Variants in AUTS2 observed in about 807,000 individuals in gnomAD.
The protein encoded by AUTS2 is autism susceptibility gene 2 protein.
Under a neutral mutation model 112.4 loss-of-function variants are expected in AUTS2, and 17 were observed. The observed-to-expected ratio is 0.15, with a 90% CI of 0.10 to 0.23. AUTS2 has a LOEUF of 0.23. Among genes scored for constraint, AUTS2 ranks in the 10% least tolerant of loss-of-function variants. AUTS2 has a pLI of 1.00. For missense variants in AUTS2, 1,510 were observed against 1,701.6 expected (o/e 0.89, Z 1.98); for synonymous variants, 751 against 702.7 (o/e 1.07, Z -1.09).
At chr7:70,488,349 T>A (rs35053417) in intron 5 of AUTS2, among the ~76,000 whole-genome samples, 14,327 of 152,212 alleles carry the variant, frequency 0.094, 875 homozygotes, top group African/African-American at 0.17. Context: ...GGTGCCCTCA[T>A]GGAGGCCGGG....
intron 1 of AUTS2, among the ~76,000 whole-genome samples, chr7:69,646,229 T>A (rs571881242): frequency 3.3e-5 from 5 of 152,274 alleles, no homozygotes; most frequent in East Asian, 3.9e-4. Flanking sequence ...CACATTTTTT[T>A]AAAAAAGCAG....
At chr7:70,383,234 T>C (rs1793453410) in intron 4 of AUTS2, among the ~76,000 whole-genome samples, 1 of 152,172 alleles carries the variant, frequency 6.6e-6, no homozygotes, top group African/African-American at 2.4e-5. Context: ...CCCATGTGCT[T>C]AGCACAGTCT....
chr7:70,246,975 G>T (rs1031899687), intron 4 of AUTS2, among the ~76,000 whole-genome samples: 1 of 151,062 alleles, frequency 6.6e-6, no homozygotes, highest in Non-Finnish European at 1.5e-5. Context: ...ATTATAAATG[G>T]TGTCTTGAAA....
chr7:70,763,424 G>A, intron 7 of AUTS2, 83 bp downstream of exon 7: 3 of 960,780 alleles, frequency 3.1e-6, no homozygotes, highest in Non-Finnish European at 3.1e-6. Context: ...GGATCCCTAG[G>A]GAGACTGAGG....
chr7:70,570,173 G>T (rs768155702), intron 5 of AUTS2, among the ~76,000 whole-genome samples: 5 of 152,184 alleles, frequency 3.3e-5, no homozygotes, highest in Non-Finnish European at 7.3e-5. Flanking sequence ...GGTTAGGCAG[G>T]TCTGGCCTAG....
intron 4 of AUTS2, among the ~76,000 whole-genome samples, chr7:70,254,632 C>G (rs533482111): frequency 6.6e-6 from 1 of 152,302 alleles, no homozygotes; most frequent in East Asian, 1.9e-4. Context: ...GCTTCAAAAG[C>G]TACTGTTTCT....
At chr7:70,235,848 C>T (rs767689929) in intron 4 of AUTS2, among the ~76,000 whole-genome samples, 2 of 151,732 alleles carry the variant, frequency 1.3e-5, no homozygotes, top group Admixed American at 6.6e-5. Context: ...AGACGGGGGA[C>T]GTGATTTCAC....
At chr7:70,242,138 G>A (rs1394250537) in intron 4 of AUTS2, among the ~76,000 whole-genome samples, 1 of 152,164 alleles carries the variant, frequency 6.6e-6, no homozygotes. Context: ...TAGGTATCTT[G>A]GTTATAGAGG....
chr7:69,846,685 T>TGCCTCA (rs1269477034), intron 1 of AUTS2, among the ~76,000 whole-genome samples: 1 of 152,212 alleles, frequency 6.6e-6, no homozygotes, highest in Admixed American at 6.5e-5. Flanking sequence ...GTAATTCTCA[T>TGCCTCA]GCCTCAGCCT....
chr7:69,717,624 G>A (rs1487599379), intron 1 of AUTS2, among the ~76,000 whole-genome samples: 1 of 152,112 alleles, frequency 6.6e-6, no homozygotes, highest in African/African-American at 2.4e-5. Flanking sequence ...CCTGCTTCAG[G>A]GTTTCTATTG....
chr7:70,224,442 A>G (rs1020129923), intron 4 of AUTS2, among the ~76,000 whole-genome samples: 3 of 152,222 alleles, frequency 2.0e-5, no homozygotes, highest in Non-Finnish European at 4.4e-5. Context: ...GAAAGGTTAT[A>G]GAATATGGAT....
At chr7:70,003,691 AAT>A (rs375552691) in intron 2 of AUTS2, among the ~76,000 whole-genome samples, 7 of 74,976 alleles carry the variant, frequency 9.3e-5, no homozygotes, top group East Asian at 3.5e-4. Context: ...GTTATATATG[AAT>A]ATATATAATA....
intron 1 of AUTS2, among the ~76,000 whole-genome samples, chr7:69,880,474 C>T (rs1793998942): frequency 6.6e-6 from 1 of 152,172 alleles, no homozygotes; most frequent in Non-Finnish European, 1.5e-5. Flanking sequence ...ACACCACCAT[C>T]CTCCTCCTCA....
At chr7:70,738,253 C>G (rs1787883194) in intron 6 of AUTS2, among the ~76,000 whole-genome samples, 1 of 152,178 alleles carries the variant, frequency 6.6e-6, no homozygotes, top group African/African-American at 2.4e-5. Context: ...CTGCGGTTTT[C>G]TCCTGGTGCT....
At chr7:69,910,711 C>T (rs1795317895) in intron 2 of AUTS2, among the ~76,000 whole-genome samples, 1 of 152,158 alleles carries the variant, frequency 6.6e-6, no homozygotes. Flanking sequence ...TCACTGCAAC[C>T]TCTGCCTCCT....
intron 5 of AUTS2, among the ~76,000 whole-genome samples, chr7:70,509,382 A>C (rs1365410713): frequency 6.6e-6 from 1 of 152,216 alleles, no homozygotes. Flanking sequence ...CTTGGGAGGA[A>C]GGTTGGGAAA....
intron 5 of AUTS2, among the ~76,000 whole-genome samples, chr7:70,576,973 A>C (rs927757952): frequency 5.9e-5 from 9 of 152,344 alleles, no homozygotes; most frequent in Admixed American, 1.3e-4. Flanking sequence ...AAACCAGCAG[A>C]GAACCAGAGT....
At chr7:70,474,405 C>T (rs1211734486) in intron 5 of AUTS2, among the ~76,000 whole-genome samples, 1 of 152,178 alleles carries the variant, frequency 6.6e-6, no homozygotes, top group Non-Finnish European at 1.5e-5. Context: ...GAGGCCGACT[C>T]CAGACTCATC....
intron 4 of AUTS2, among the ~76,000 whole-genome samples, chr7:70,305,462 A>G (rs2129614362): frequency 6.6e-6 from 1 of 152,374 alleles, no homozygotes; most frequent in East Asian, 1.9e-4. Flanking sequence ...GTTCATAAAA[A>G]TATTGAATTT....
Sources: gnomAD v4.1 joint callset for allele counts (sites outside exome capture counted in the v4.1 genomes callset) on GRCh38, gnomAD v4.1.1 for gene constraint, MANE v1.5 for transcripts, NCBI Gene and HGNC (gene_info 2026-07-23, HGNC 2026-07-21) for gene names.